The following ARHGAP44 variants were observed in gnomAD, a reference collection of about 807,000 sequenced individuals.
The protein encoded by ARHGAP44 is Rho GTPase activating protein 44.
Under a neutral mutation model 106.8 loss-of-function variants are expected in ARHGAP44, and 43 were observed. The ratio of observed to expected loss-of-function variants is 0.40; its 90% CI spans 0.32 to 0.52. The LOEUF (loss-of-function observed/expected upper bound fraction) is 0.52. Among genes scored for constraint, ARHGAP44 ranks in the 20% least tolerant of loss-of-function variants. The pLI, the probability that ARHGAP44 is intolerant of heterozygous loss-of-function variation, is 0.48. For missense variants in ARHGAP44, 866 were observed against 1,050.5 expected, an observed-to-expected ratio of 0.82 and a Z score of 2.43; for synonymous variants, 439 against 410.3, an observed-to-expected ratio of 1.07 and a Z score of -0.85.
intron 10 of ARHGAP44, among the ~76,000 whole-genome samples, chr17:12,946,654 C>G (rs1189251604): frequency 6.6e-6 from 1 of 151,844 alleles, no homozygotes. Flanking sequence ...CAAAAATTAG[C>G]TGGGCATAGT....
intron 10 of ARHGAP44, among the ~76,000 whole-genome samples, chr17:12,945,568 A>G (rs930209476): frequency 6.6e-6 from 1 of 152,136 alleles, no homozygotes; most frequent in Non-Finnish European, 1.5e-5. Flanking sequence ...TTCATCCAGA[A>G]CAGTCTGTAA....
chr17:12,981,814 C>A (rs1033853165), intron 19 of ARHGAP44, among the ~76,000 whole-genome samples: 17 of 151,462 alleles, frequency 1.1e-4, no homozygotes, highest in African/African-American at 3.9e-4. Flanking sequence ...AGTTTGAGAC[C>A]AGACTGGACA....
At chr17:12,852,408 C>T (rs1258833142) in intron 1 of ARHGAP44, among the ~76,000 whole-genome samples, 1 of 147,972 alleles carries the variant, frequency 6.8e-6, no homozygotes, top group Non-Finnish European at 1.5e-5. Context: ...ATTAGTTTTC[C>T]CAGGGGCTTG....
At chr17:12,878,334 T>G (rs114337523) in intron 1 of ARHGAP44, among the ~76,000 whole-genome samples, 3,470 of 152,148 alleles carry the variant, frequency 0.023, 137 homozygotes, top group African/African-American at 0.079. Context: ...GCAATCAAGA[T>G]TTTTGTGGGT....
At chr17:12,892,600 C>G (rs2037080898) in intron 1 of ARHGAP44, among the ~76,000 whole-genome samples, 1 of 152,004 alleles carries the variant, frequency 6.6e-6, no homozygotes, top group Non-Finnish European at 1.5e-5. Flanking sequence ...CCTTCTTCTT[C>G]TGGGACTCTG....
chr17:12,948,751 C>CACACACACA (rs200024961), intron 10 of ARHGAP44, among the ~76,000 whole-genome samples: 6 of 147,746 alleles, frequency 4.1e-5, no homozygotes, highest in Non-Finnish European at 5.9e-5. Flanking sequence ...CACACACACA[C>CACACACACA]CCCCTGTAGA....
intron 14 of ARHGAP44, 50 bp downstream of exon 14, chr17:12,956,030 G>T: frequency 7.1e-7 from 1 of 1,411,510 alleles, no homozygotes; most frequent in Non-Finnish European, 1.0e-6. Context: ...GGACTGCAGG[G>T]CCTGAGCAGG....
At chr17:12,835,226 A>G (rs1440447646) in intron 1 of ARHGAP44, among the ~76,000 whole-genome samples, 1 of 152,182 alleles carries the variant, frequency 6.6e-6, no homozygotes, top group Non-Finnish European at 1.5e-5. Context: ...AAATGGTGTC[A>G]GTTAGTGTGA....
rs553518145 is a variant in ARHGAP44 at position 12,991,212 on chromosome 17, G to A, written c.*1041G>A. The stretch of plus-strand genomic sequence containing the variant: ...ACGAGGGCCGGGAGGGCACCGGGTA[G>A]CCTTTTCACACTTGGGGATTAGGGG... On this transcript the variant is annotated 3_prime_UTR_variant, in exon 21 of 21. Coordinates refer to ENST00000379672, the MANE Select transcript of ARHGAP44 (RefSeq NM_014859.6). The A allele has an allele frequency of 2.6e-5, 4 of 152,718 alleles. No individual in the cohort carries two copies. Among genetic ancestry groups the A allele is most frequent in the Admixed American group, 2.0e-4 (3 of 15,308 alleles). The allele number at this position is 152,718 out of a possible 1,614,324, so 9.5% of individuals were successfully genotyped here.
intron 1 of ARHGAP44, among the ~76,000 whole-genome samples, chr17:12,811,260 C>T (rs1422836757): frequency 6.6e-6 from 1 of 151,062 alleles, no homozygotes; most frequent in African/African-American, 2.4e-5. Context: ...TTGCAGTGAG[C>T]CGAGATCGCA....
chr17:12,824,754 T>TA (rs1212224455), intron 1 of ARHGAP44, among the ~76,000 whole-genome samples: 2 of 151,942 alleles, frequency 1.3e-5, no homozygotes, highest in Non-Finnish European at 2.9e-5. Context: ...AGCCTGGCCT[T>TA]AATGTACCTC....
intron 1 of ARHGAP44, among the ~76,000 whole-genome samples, chr17:12,890,584 G>T (rs1456374676): frequency 6.6e-6 from 1 of 152,188 alleles, no homozygotes; most frequent in Non-Finnish European, 1.5e-5. Flanking sequence ...AGCCTGTAAT[G>T]GGAGGAGCAG....
chr17:12,890,150 C>T (rs2036999364), intron 1 of ARHGAP44, among the ~76,000 whole-genome samples: 1 of 152,132 alleles, frequency 6.6e-6, no homozygotes. Context: ...AGTGAGTACT[C>T]TCTACAGTGG....
At chr17:12,840,793 C>T (rs1039695601) in intron 1 of ARHGAP44, among the ~76,000 whole-genome samples, 6 of 152,206 alleles carry the variant, frequency 3.9e-5, no homozygotes, top group Admixed American at 2.6e-4. Flanking sequence ...AGTAGACAAG[C>T]AAATTCTGGT....
Position 12,984,371 on chromosome 17 carries a change from G to A in ARHGAP44, c.1940-160G>A, listed in dbSNP as rs73294390. The A allele has an allele frequency of 1.7e-3, 1,033 of 610,310 alleles. 7 individuals are homozygous for A. In the African/African-American group the frequency reaches 0.017, roughly 10 times the overall value. 37.8% of individuals were successfully genotyped at this position (610,310 alleles called of 1,614,324 possible). On this transcript the variant is annotated intron_variant, in intron 19 of 20. Transcript: ENST00000379672. The stretch of plus-strand genomic sequence containing the variant: ...AAAAATTGTATTGGCTGCTGTCAAT[G>A]TGGCAAGAGGCCGGGGGGCAGGGCA...
chr17:12,987,281 C>T (rs1443578796), intron 20 of ARHGAP44: 1 of 790,386 alleles, frequency 1.3e-6, no homozygotes, highest in Non-Finnish European at 1.9e-6. Flanking sequence ...CTCCAGCCTT[C>T]CCCGGCCTCA....
intron 3 of ARHGAP44, among the ~76,000 whole-genome samples, chr17:12,906,477 C>T (rs1280842024): frequency 6.6e-6 from 1 of 152,168 alleles, no homozygotes; most frequent in African/African-American, 2.4e-5. Context: ...CAACTCCCCT[C>T]CTCAGGTTTG....
chr17:12,982,184 A>C (rs2039850040), intron 19 of ARHGAP44, among the ~76,000 whole-genome samples: 1 of 152,214 alleles, frequency 6.6e-6, no homozygotes, highest in Non-Finnish European at 1.5e-5. Flanking sequence ...CTAGGCAGCC[A>C]GTGTAGCCTA....
chr17:12,842,213 C>T (rs1287269782), intron 1 of ARHGAP44, among the ~76,000 whole-genome samples: 2 of 151,370 alleles, frequency 1.3e-5, no homozygotes, highest in East Asian at 3.9e-4. Context: ...GAGTTTAAGA[C>T]TAGCCTGAGC....
Sources: gnomAD v4.1 joint callset for allele counts (sites outside exome capture counted in the v4.1 genomes callset) on GRCh38, gnomAD v4.1.1 for gene constraint, MANE v1.5 for transcripts, NCBI Gene and HGNC (gene_info 2026-07-23, HGNC 2026-07-21) for gene names.